The following SPIDR variants were observed in gnomAD, a reference collection of about 807,000 sequenced individuals.
SPIDR encodes DNA repair-scaffolding protein.
Under a neutral mutation model 104.6 loss-of-function variants are expected in SPIDR, and 93 were observed. That is an observed-to-expected ratio of 0.89 (90% confidence interval 0.75 to 1.06). SPIDR has a LOEUF of 1.06. SPIDR is among the 50% of genes least tolerant of loss of function. SPIDR has a pLI of 0.00. For missense variants in SPIDR, 1,154 were observed against 1,111.2 expected (o/e 1.04, Z -0.55); for synonymous variants, 431 against 416.9 (o/e 1.03, Z -0.41).
intron 8 of SPIDR, chr8:47,592,408 G>T (rs1227851763): frequency 1.8e-5 from 26 of 1,418,568 alleles, no homozygotes; most frequent in Non-Finnish European, 2.4e-5. Context: ...TACTGTAGGG[G>T]CTGCCATTGA....
At chr8:47,271,335 T>C (rs1374321305) in intron 1 of SPIDR, among the ~76,000 whole-genome samples, 2 of 152,196 alleles carry the variant, frequency 1.3e-5, no homozygotes, top group Non-Finnish European at 2.9e-5. Flanking sequence ...GAGACTCTTA[T>C]TATGCATATA....
Position 47,328,281 on chromosome 8 carries a change from T to G in SPIDR, c.525+34251T>G, listed in dbSNP as rs372785145. On this transcript the variant is annotated intron_variant, in intron 5 of 19. Coordinates refer to ENST00000297423, the MANE Select transcript of SPIDR (RefSeq NM_001080394.4). ...AACTACATTTTTTTTTTTAAAGAGATAAAGTCTTGCTCTGTCACTCAGGCT... is the reference window on the plus strand; with the variant it reads ...AACTACATTTTTTTTTTTAAAGAGAGAAAGTCTTGCTCTGTCACTCAGGCT... 5.3e-4 allele frequency among the ~76,000 whole-genome samples: 80 copies of G among 152,022 alleles called. 1 individual carries two copies. Among genetic ancestry groups the G allele is most frequent in the African/African-American group, 1.9e-3 (77 of 41,462 alleles).
At chr8:47,573,060 G>A (rs959918440) in intron 8 of SPIDR, among the ~76,000 whole-genome samples, 15 of 152,252 alleles carry the variant, frequency 9.9e-5, no homozygotes, top group African/African-American at 3.6e-4. Context: ...AATTTTTCAG[G>A]TAATAAGTTT....
intron 16 of SPIDR, among the ~76,000 whole-genome samples, chr8:47,714,387 T>C (rs553852311): frequency 1.3e-5 from 2 of 152,318 alleles, no homozygotes; most frequent in Middle Eastern, 3.4e-3. Context: ...AAGTCAGCTT[T>C]GAGGGGACCT....
intron 10 of SPIDR, among the ~76,000 whole-genome samples, chr8:47,650,308 C>T (rs1458690264): frequency 1.3e-5 from 2 of 152,160 alleles, no homozygotes; most frequent in African/African-American, 2.4e-5. Context: ...TATACACCAA[C>T]AATGACCAAG....
At chr8:47,565,049 C>G (rs1382650961) in intron 8 of SPIDR, among the ~76,000 whole-genome samples, 1 of 152,118 alleles carries the variant, frequency 6.6e-6, no homozygotes, top group Non-Finnish European at 1.5e-5. Context: ...TAGTTCAAGA[C>G]CAGCCTGACC....
chr8:47,291,270 GAAGA>G (rs2039853274), intron 4 of SPIDR, 133 bp downstream of exon 4: 1 of 539,638 alleles, frequency 1.9e-6, no homozygotes, highest in African/African-American at 1.9e-5. Flanking sequence ...TTTAATATTG[GAAGA>G]AACTTACATT....
At chr8:47,437,636 A>C (rs2068606681) in intron 7 of SPIDR, among the ~76,000 whole-genome samples, 1 of 152,096 alleles carries the variant, frequency 6.6e-6, no homozygotes, top group Non-Finnish European at 1.5e-5. Flanking sequence ...ACACATGAAA[A>C]AATGCTCATC....
intron 10 of SPIDR, among the ~76,000 whole-genome samples, chr8:47,630,443 A>C (rs1563366037): frequency 6.6e-6 from 1 of 152,202 alleles, no homozygotes; most frequent in Non-Finnish European, 1.5e-5. Flanking sequence ...TCTGAGCTTC[A>C]GTTTTCCCAG....
At chr8:47,409,084 G>T (rs978703267) in intron 7 of SPIDR, among the ~76,000 whole-genome samples, 2 of 152,148 alleles carry the variant, frequency 1.3e-5, no homozygotes, top group African/African-American at 4.8e-5. Flanking sequence ...TACACGGGAG[G>T]CTGAGGCAAG....
intron 5 of SPIDR, among the ~76,000 whole-genome samples, chr8:47,394,666 A>C (rs1325226879): frequency 1.3e-5 from 2 of 152,212 alleles, no homozygotes; most frequent in Admixed American, 6.5e-5. Flanking sequence ...GACAAAGGGC[A>C]AAATTTTATG....
chr8:47,262,872 C>T (rs556333112), intron 1 of SPIDR, among the ~76,000 whole-genome samples: 4 of 152,218 alleles, frequency 2.6e-5, no homozygotes, highest in Admixed American at 2.6e-4. Context: ...TGTGTAGTGC[C>T]GGCTAGCATG....
chr8:47,614,850 C>G (rs2064084072), intron 10 of SPIDR, among the ~76,000 whole-genome samples: 1 of 152,204 alleles, frequency 6.6e-6, no homozygotes, highest in African/African-American at 2.4e-5. Flanking sequence ...TCCACAGCCT[C>G]ACCAGCATCT....
intron 8 of SPIDR, among the ~76,000 whole-genome samples, chr8:47,560,248 C>T (rs2056890484): frequency 6.6e-6 from 1 of 152,170 alleles, no homozygotes. Flanking sequence ...AATCTTGACT[C>T]TCTTTTCCAA....
At chr8:47,713,088 C>A in intron 15 of SPIDR, 1 of 1,263,632 alleles carries the variant, frequency 7.9e-7, no homozygotes, top group South Asian at 2.4e-5. Flanking sequence ...TGTGCTCACT[C>A]CAGAATTGCC....
chr8:47,535,660 G>A (rs1359367616), intron 8 of SPIDR, among the ~76,000 whole-genome samples: 1 of 151,926 alleles, frequency 6.6e-6, no homozygotes, highest in Non-Finnish European at 1.5e-5. Flanking sequence ...AAAAGGATTC[G>A]ACAAAATCCA....
intron 16 of SPIDR, among the ~76,000 whole-genome samples, chr8:47,724,427 A>G (rs184271338): frequency 3.1e-4 from 47 of 152,308 alleles, no homozygotes; most frequent in African/African-American, 1.1e-3. Context: ...CATCAGATCC[A>G]GGCAAGGCTG....
chr8:47,700,738 T>C (rs1213015045), intron 12 of SPIDR, among the ~76,000 whole-genome samples: 1 of 152,220 alleles, frequency 6.6e-6, no homozygotes, highest in East Asian at 1.9e-4. Flanking sequence ...AGTTAACTTA[T>C]GATGAATGCT....
intron 11 of SPIDR, 144 bp downstream of exon 11, chr8:47,674,085 G>A (rs1236738178): frequency 3.0e-6 from 3 of 1,002,310 alleles, no homozygotes. Flanking sequence ...CAGGAGTTGA[G>A]TGGAATCTAT....
Sources: gnomAD v4.1 joint callset for allele counts (sites outside exome capture counted in the v4.1 genomes callset) on GRCh38, gnomAD v4.1.1 for gene constraint, MANE v1.5 for transcripts, NCBI Gene and HGNC (gene_info 2026-07-23, HGNC 2026-07-21) for gene names.